Variants in ITPRID1 observed in about 807,000 individuals in gnomAD.
The protein encoded by ITPRID1 is ITPR interacting domain containing 1.
In ITPRID1, 96 loss-of-function variants were observed where a neutral mutation model predicts 95.4. That is an observed-to-expected ratio of 1.01 (90% CI 0.85 to 1.19). The LOEUF is 1.19. Ranked by LOEUF, ITPRID1 falls within the 50% of genes most tolerant of loss-of-function variation. ITPRID1 has a pLI of 0.00. For synonymous variants in ITPRID1, 510 were observed against 453.6 expected, an observed-to-expected ratio of 1.12 and a Z score of -1.58; for missense variants, 1,339 against 1,252.9, an observed-to-expected ratio of 1.07 and a Z score of -1.04.
chr7:31,550,244 C>A (rs1218634125), intron 2 of ITPRID1, among the ~76,000 whole-genome samples: 1 of 150,366 alleles, frequency 6.7e-6, no homozygotes, highest in African/African-American at 2.5e-5. Context: ...ATGCAATTTC[C>A]CACATGAGTA....
In ITPRID1 at chr7:31,652,568, T is replaced by C. The variant is rs753611585; in HGVS notation, c.2874T>C (p.His958=). Residue 958 remains histidine (H), a synonymous_variant, in exon 15 of 15, where the codon CAT becomes CAC. Transcript: ENST00000615280. The part of the protein sequence containing the change: ...AEPPEHYSNL[H]QYNWIEESNG... ...CACCTGAACACTATTCAAATCTGCA[T>C]CAATATAACTGGATAGAAGAAAGCA... The C allele has an allele frequency of 1.9e-5, 31 of 1,610,794 alleles. No individual in the cohort carries two copies. The Admixed American group carries it at 4.9e-4, about 25-fold the overall frequency.
chr7:31,613,742 C>T (rs993873476), intron 10 of ITPRID1, among the ~76,000 whole-genome samples: 7 of 152,118 alleles, frequency 4.6e-5, no homozygotes, highest in Non-Finnish European at 1.0e-4. Context: ...GTTAAATAAC[C>T]AACAGCACTC....
Position 31,643,598 on chromosome 7 carries a change from T to C in ITPRID1, c.2228T>C (p.Val743Ala). The change falls in exon 12 of 15, where the codon GTT (valine) becomes GCT (alanine). Residue 743 changes from valine to alanine, a missense_variant. Physicochemically the swap from Val to Ala is moderately conservative, Grantham distance 64. Coordinates refer to ENST00000615280, the MANE Select transcript of ITPRID1 (RefSeq NM_001257967.3). ...TSLECTVCDPVTATETRLGTK... is the reference protein window; with the variant it reads ...TSLECTVCDPATATETRLGTK... ...TTAGAATGCACTGTGTGTGATCCTG[T>C]TACCGCAACAGAAACAAGACTGGGG... 6.2e-7 allele frequency: 1 copy of C among 1,614,038 alleles called. No homozygotes were observed. The highest frequency in any genetic ancestry group is 8.5e-7 in the Non-Finnish European group (1 of 1,179,898).
chr7:31,642,562 C>G, intron 11 of ITPRID1, 120 bp from the exon 12 acceptor site: 1 of 882,440 alleles, frequency 1.1e-6, no homozygotes, highest in South Asian at 1.8e-5. Context: ...GATGCAAAAC[C>G]TGATGTTGCA....
At chr7:31,582,256 T>C (rs778250801) in intron 9 of ITPRID1, among the ~76,000 whole-genome samples, 7 of 152,216 alleles carry the variant, frequency 4.6e-5, no homozygotes, top group Non-Finnish European at 1.0e-4. Context: ...TTAAAGATGA[T>C]GTTTTCAAAG....
chr7:31,528,289 C>A (rs1303445930), intron 1 of ITPRID1, among the ~76,000 whole-genome samples: 1 of 152,138 alleles, frequency 6.6e-6, no homozygotes, highest in Non-Finnish European at 1.5e-5. Context: ...ATTCTATGCC[C>A]AGTTTTATTT....
intron 13 of ITPRID1, among the ~76,000 whole-genome samples, chr7:31,651,694 T>C (rs954881784): frequency 7.2e-5 from 11 of 152,124 alleles, no homozygotes; most frequent in African/African-American, 2.7e-4. Context: ...GATTACACAA[T>C]TTGGTAAATT....
At chr7:31,610,330 G>C (rs923995646) in intron 10 of ITPRID1, among the ~76,000 whole-genome samples, 1 of 151,508 alleles carries the variant, frequency 6.6e-6, no homozygotes, top group Admixed American at 6.6e-5. Flanking sequence ...TGACATACTA[G>C]AAAATACCTA....
intron 9 of ITPRID1, among the ~76,000 whole-genome samples, chr7:31,581,326 T>G (rs907852171): frequency 6.6e-5 from 10 of 152,186 alleles, no homozygotes; most frequent in Admixed American, 2.0e-4. Flanking sequence ...TGCATAGATT[T>G]TTTAATGGAA....
chr7:31,527,031 C>T (rs1783443792), intron 1 of ITPRID1, among the ~76,000 whole-genome samples: 1 of 152,150 alleles, frequency 6.6e-6, no homozygotes. Flanking sequence ...GACATTGACT[C>T]CTCATTTATT....
chr7:31,618,147 A>AT (rs1323664570), intron 10 of ITPRID1, among the ~76,000 whole-genome samples: 1 of 152,212 alleles, frequency 6.6e-6, no homozygotes, highest in African/African-American at 2.4e-5. Context: ...AAGGACTATG[A>AT]CTAAGTCACC....
intron 10 of ITPRID1, among the ~76,000 whole-genome samples, chr7:31,621,287 C>G (rs1787860223): frequency 1.2e-5 from 1 of 85,202 alleles, no homozygotes; most frequent in African/African-American, 4.2e-5. Flanking sequence ...AGAAGAGCAA[C>G]TCCAAGACAC....
At chr7:31,581,338 A>C (rs1422121639) in intron 9 of ITPRID1, among the ~76,000 whole-genome samples, 3 of 152,140 alleles carry the variant, frequency 2.0e-5, no homozygotes, top group Non-Finnish European at 4.4e-5. Flanking sequence ...TTAATGGAAA[A>C]ATCAACATAT....
chr7:31,610,814 T>G (rs1786833127), intron 10 of ITPRID1, among the ~76,000 whole-genome samples: 1 of 151,534 alleles, frequency 6.6e-6, no homozygotes, highest in South Asian at 2.1e-4. Flanking sequence ...ATAATATATC[T>G]TTTTCATTAT....
intron 10 of ITPRID1, among the ~76,000 whole-genome samples, chr7:31,640,584 G>A (rs766274500): frequency 3.3e-5 from 5 of 151,906 alleles, no homozygotes; most frequent in Non-Finnish European, 4.4e-5. Context: ...CAGATCACTT[G>A]TTCCTGTTTC....
chr7:31,602,661 G>A (rs1583559658), intron 10 of ITPRID1, among the ~76,000 whole-genome samples: 2 of 152,104 alleles, frequency 1.3e-5, no homozygotes, highest in South Asian at 2.1e-4. Flanking sequence ...AGTCGCCATC[G>A]GGGTGAGTGG....
chr7:31,575,541 G>T (rs1484001502), intron 8 of ITPRID1, among the ~76,000 whole-genome samples: 1 of 152,166 alleles, frequency 6.6e-6, no homozygotes, highest in Non-Finnish European at 1.5e-5. Context: ...TTTATTTACT[G>T]CAGGATTGAT....
intron 5 of ITPRID1, among the ~76,000 whole-genome samples, chr7:31,555,668 A>T (rs1399972458): frequency 6.6e-6 from 1 of 152,314 alleles, no homozygotes; most frequent in East Asian, 1.9e-4. Flanking sequence ...ATTGTGAAGA[A>T]TTTGTGTGAA....
chr7:31,518,932 C>A (rs1562542506), intron 1 of ITPRID1, among the ~76,000 whole-genome samples: 1 of 152,162 alleles, frequency 6.6e-6, no homozygotes, highest in African/African-American at 2.4e-5. Context: ...TTGGGCAAGT[C>A]ACATAATCTC....
Sources: gnomAD v4.1 joint callset for allele counts (sites outside exome capture counted in the v4.1 genomes callset) on GRCh38, gnomAD v4.1.1 for gene constraint, MANE v1.5 for transcripts, NCBI Gene and HGNC (gene_info 2026-07-23, HGNC 2026-07-21) for gene names.